EXOC6: variants seen among roughly 807,000 people sequenced by gnomAD.
The protein encoded by EXOC6 is SEC15-like 1.
A neutral mutation model predicts 112.5 loss-of-function variants in EXOC6; 60 were observed. The observed-to-expected ratio is 0.53, with a 90% CI of 0.43 to 0.66. EXOC6 has a LOEUF of 0.66. Ranked by LOEUF, EXOC6 falls within the 30% of genes least tolerant of loss-of-function variation. The probability of loss-of-function intolerance (pLI) is 0.00; values close to 1 mark genes in which losing one functional copy is unlikely to be tolerated. For missense variants in EXOC6, 855 were observed against 957.1 expected (o/e 0.89, Z 1.41); for synonymous variants, 295 against 308.0 (o/e 0.96, Z 0.44).
intron 13 of EXOC6, among the ~76,000 whole-genome samples, chr10:92,945,006 A>G (rs4933758): frequency 0.1 from 15,449 of 152,046 alleles, 863 homozygotes; most frequent in Admixed American, 0.17. Context: ...TCCCGACCTC[A>G]GGTGATCTGC....
intron 19 of EXOC6, among the ~76,000 whole-genome samples, chr10:93,011,113 T>TTTAG (rs2134225246): frequency 6.6e-6 from 1 of 152,068 alleles, no homozygotes; most frequent in South Asian, 2.1e-4. Context: ...TCATAGAAAG[T>TTTAG]CTTTATTTAT....
At chr10:92,867,304 A>G (rs900536028) in intron 1 of EXOC6, among the ~76,000 whole-genome samples, 6 of 152,334 alleles carry the variant, frequency 3.9e-5, no homozygotes, top group Non-Finnish European at 5.9e-5. Flanking sequence ...GTAAATGATC[A>G]TAAAATCGAA....
intron 20 of EXOC6, among the ~76,000 whole-genome samples, chr10:93,044,198 T>C (rs987857138): frequency 6.6e-6 from 1 of 152,218 alleles, no homozygotes; most frequent in Admixed American, 6.5e-5. Flanking sequence ...AAGCAGCAAG[T>C]GTTCTGACAT....
intron 19 of EXOC6, among the ~76,000 whole-genome samples, chr10:92,999,970 C>T (rs1433181039): frequency 6.6e-6 from 1 of 152,162 alleles, no homozygotes; most frequent in Non-Finnish European, 1.5e-5. Context: ...TCCCAAAGTG[C>T]TGGGATTACA....
intron 20 of EXOC6, among the ~76,000 whole-genome samples, chr10:93,056,027 G>A (rs1347366688): frequency 6.6e-6 from 1 of 152,070 alleles, no homozygotes; most frequent in Non-Finnish European, 1.5e-5. Flanking sequence ...TATAAAGTGA[G>A]TTAAAACAAA....
intron 20 of EXOC6, among the ~76,000 whole-genome samples, chr10:93,049,060 ATTT>A (rs1206244383): frequency 7.0e-6 from 1 of 142,980 alleles, no homozygotes; most frequent in Non-Finnish European, 1.5e-5. Context: ...TAATAGCAGC[ATTT>A]TTTTTTTTTT....
At chr10:92,970,936 G>C (rs1842269016) in intron 17 of EXOC6, among the ~76,000 whole-genome samples, 1 of 152,220 alleles carries the variant, frequency 6.6e-6, no homozygotes, top group Non-Finnish European at 1.5e-5. Context: ...TGTGTGGTCT[G>C]TTCTTGCTGA....
At chr10:93,035,794 G>A (rs1845489551) in intron 20 of EXOC6, among the ~76,000 whole-genome samples, 1 of 152,226 alleles carries the variant, frequency 6.6e-6, no homozygotes, top group South Asian at 2.1e-4. Context: ...TGCGGAGGTT[G>A]CAGTGAGCCA....
chr10:92,896,988 A>G (rs1849863787), intron 4 of EXOC6, among the ~76,000 whole-genome samples: 1 of 152,190 alleles, frequency 6.6e-6, no homozygotes, highest in Non-Finnish European at 1.5e-5. Flanking sequence ...TATTATGTTA[A>G]GTTTCAGGGT....
intron 5 of EXOC6, among the ~76,000 whole-genome samples, chr10:92,903,136 G>C (rs1347281353): frequency 6.6e-6 from 1 of 151,856 alleles, no homozygotes; most frequent in Non-Finnish European, 1.5e-5. Context: ...TTTAAAATAT[G>C]ATTTGAAAAA....
chr10:92,976,324 T>C (rs1439552290), intron 18 of EXOC6, among the ~76,000 whole-genome samples: 1 of 152,232 alleles, frequency 6.6e-6, no homozygotes. Context: ...CTTTGTTCTG[T>C]ACTAAGAAAA....
At chr10:92,836,467 G>A (rs972648761) in intron 1 of EXOC6, among the ~76,000 whole-genome samples, 5 of 152,104 alleles carry the variant, frequency 3.3e-5, no homozygotes, top group East Asian at 1.9e-4. Context: ...TATGTTCCCC[G>A]GGTGCTACCC....
At chr10:92,879,251 A>G (rs756318344) in intron 1 of EXOC6, among the ~76,000 whole-genome samples, 1 of 152,198 alleles carries the variant, frequency 6.6e-6, no homozygotes, top group African/African-American at 2.4e-5. Flanking sequence ...GAAGGCTGAG[A>G]CTGGAGGACC....
intron 20 of EXOC6, among the ~76,000 whole-genome samples, chr10:93,031,043 C>T (rs61863083): frequency 2.3e-3 from 351 of 151,992 alleles, no homozygotes; most frequent in Non-Finnish European, 3.6e-3. Flanking sequence ...TATTTTTGGC[C>T]CAGATGGTTT....
chr10:92,959,848 C>G (rs1853887952), intron 17 of EXOC6, among the ~76,000 whole-genome samples: 1 of 152,162 alleles, frequency 6.6e-6, no homozygotes, highest in Non-Finnish European at 1.5e-5. Flanking sequence ...AAATTCAGAA[C>G]AATGACAACA....
At chr10:92,857,425 A>AT (rs1564776491) in intron 1 of EXOC6, among the ~76,000 whole-genome samples, 1 of 151,674 alleles carries the variant, frequency 6.6e-6, no homozygotes, top group East Asian at 1.9e-4. Context: ...ACTTTTTATA[A>AT]TTTTTTGTCT....
intron 1 of EXOC6, among the ~76,000 whole-genome samples, chr10:92,865,738 A>T (rs972000279): frequency 1.3e-5 from 2 of 151,830 alleles, no homozygotes; most frequent in Non-Finnish European, 2.9e-5. Context: ...ATCACTTTTG[A>T]CTCCCAAAAC....
chr10:92,903,052 T>C (rs1419218010), intron 5 of EXOC6, among the ~76,000 whole-genome samples: 4 of 152,112 alleles, frequency 2.6e-5, no homozygotes, highest in South Asian at 2.1e-4. Context: ...TTAGTAAATA[T>C]ATAGGAGTAG....
chr10:92,976,156 A>AC (rs1842592724), intron 18 of EXOC6, among the ~76,000 whole-genome samples: 1 of 150,588 alleles, frequency 6.6e-6, no homozygotes, highest in African/African-American at 2.5e-5. Flanking sequence ...CCGGGCCACC[A>AC]CCCCGTCTGG....
Sources: allele counts gnomAD v4.1 joint callset (sites outside exome capture counted in the v4.1 genomes callset), GRCh38; gene constraint gnomAD v4.1.1; transcripts MANE v1.5; gene names NCBI Gene and HGNC (gene_info 2026-07-23, HGNC 2026-07-21).